Variants in TRIM72 observed in about 807,000 individuals in gnomAD.
TRIM72 encodes tripartite motif containing 72.
TRIM72 carries 33 observed loss-of-function variants against 31.6 expected under a neutral mutation model. The observed-to-expected ratio is 1.04, with a 90% CI of 0.79 to 1.40. The LOEUF is 1.40. TRIM72 is among the 40% of genes most tolerant of loss of function. The pLI is 0.00. For missense variants in TRIM72, 666 were observed against 682.7 expected, an observed-to-expected ratio of 0.98 and a Z score of 0.27; for synonymous variants, 301 against 314.4, an observed-to-expected ratio of 0.96 and a Z score of 0.45.
Position 31,219,227 on chromosome 16 carries a change from G to A in TRIM72, c.486+37G>A, listed in dbSNP as rs1355552066. Reference sequence around the variant, plus strand: ...ACAGGGCCATGTCTGAGGGCTGGGGGCCAGGCTAGGGGTCTCCAGCCAAGA... The same window carrying A: ...ACAGGGCCATGTCTGAGGGCTGGGGACCAGGCTAGGGGTCTCCAGCCAAGA... On this transcript the variant is annotated intron_variant, in intron 3 of 6. Transcript: ENST00000322122. The surrounding 1 kb of genome is among the most constrained non-coding windows in gnomAD (Gnocchi z 4.2). 1.2e-6 allele frequency: 2 copies of A among 1,613,550 alleles called. No homozygotes were observed. Among genetic ancestry groups the A allele is most frequent in the East Asian group, 4.5e-5 (2 of 44,898 alleles).
Position 31,220,882 on chromosome 16 carries a change from T to C in TRIM72, c.718-14T>C. ...CATCGGCTTCACCACCATTCTCTTT[T>C]TCTCTCTCTCCAGAAATACTGCCTG... On this transcript the variant is annotated splice_polypyrimidine_tract_variant and intron_variant, in intron 4 of 6. Coordinates refer to ENST00000322122, the MANE Select transcript of TRIM72 (RefSeq NM_001008274.4). 1 of 1,614,178 alleles carries C rather than the reference T, an allele frequency of 6.2e-7. No homozygotes were observed. The highest frequency in any genetic ancestry group is 8.5e-7 in the Non-Finnish European group (1 of 1,180,026).
At position 31,216,684 on chromosome 16, in the gene TRIM72, C is replaced by G; in HGVS notation, c.390+1556C>G. 6.6e-7 allele frequency: 1 copy of G among 1,513,018 alleles called. No homozygotes were observed. The highest frequency in any genetic ancestry group is 8.9e-7 in the Non-Finnish European group (1 of 1,118,500). The allele number at this position is 1,513,018 out of a possible 1,614,324, so 93.7% of individuals were successfully genotyped here. On this transcript the variant is annotated intron_variant, in intron 2 of 6. Transcript: ENST00000322122. This position sits in a 1 kb window ranked among gnomAD's most constrained non-coding sequence, Gnocchi z 6.7. ...AGGAGGGGAACAGGAAGGCTCTGGG[C>G]GGGACCTGACGCGTGGGTCCTTGGC...
At position 31,219,767 on chromosome 16, in the gene TRIM72, AT is replaced by A. The variant is rs1340136356; in HGVS notation, c.717+254del. Among the ~76,000 whole-genome samples, 3 of 152,014 alleles carry A rather than the reference AT, an allele frequency of 2.0e-5. No homozygotes were observed. Among genetic ancestry groups the A allele is most frequent in the African/African-American group, 7.2e-5 (3 of 41,388 alleles). ...TATTTATTAGGACACTCTTATTTTT[AT>A]TTTTTATTTTTTGAGATGGAGTCTT... On this transcript the variant is annotated intron_variant, in intron 4 of 6. Coordinates refer to ENST00000322122, the MANE Select transcript of TRIM72 (RefSeq NM_001008274.4). The surrounding 1 kb of genome is among the most constrained non-coding windows in gnomAD (Gnocchi z 4.2).
chr16:31,223,262 A>G (rs1487986102), intron 6 of TRIM72, among the ~76,000 whole-genome samples: 1 of 151,992 alleles, frequency 6.6e-6, no homozygotes, highest in Non-Finnish European at 1.5e-5. Context: ...GACGGTGGAG[A>G]TGATAAATCC....
In TRIM72 at chr16:31,224,678, T is replaced by C; in HGVS notation, c.1357T>C (p.Phe453Leu). 6.5e-7 allele frequency: 1 copy of C among 1,550,232 alleles called. No individual in the cohort carries two copies. The highest frequency in any genetic ancestry group is 8.7e-7 in the Non-Finnish European group (1 of 1,155,622). ...ERLPRPVYPF[F>L]DVCWHDKGKN... The stretch of plus-strand genomic sequence containing the variant: ...CCTGCCCAGGCCCGTGTACCCCTTC[T>C]TCGACGTGTGCTGGCACGACAAGGG... The change falls in exon 7 of 7, where the codon TTC (phenylalanine) becomes CTC (leucine). Residue 453 changes from phenylalanine (F) to leucine (L), a missense_variant. Physicochemically the swap from Phe to Leu is conservative, Grantham distance 22. Coordinates refer to ENST00000322122, the MANE Select transcript of TRIM72 (RefSeq NM_001008274.4).
chr16:31,224,142 C>T (rs368260037), intron 6 of TRIM72, 39 bp from the exon 7 acceptor site: 29 of 1,588,802 alleles, frequency 1.8e-5, no homozygotes, highest in Non-Finnish European at 2.4e-5. Flanking sequence ...CCCAGCGAGG[C>T]AGAAACCTAG....
chr16:31,219,383 C>A lies in TRIM72; in HGVS notation c.581C>A (p.Ala194Glu). 1 of 1,614,136 alleles carries A rather than the reference C, an allele frequency of 6.2e-7. No homozygotes were observed. Among genetic ancestry groups the A allele is most frequent in the Non-Finnish European group, 8.5e-7 (1 of 1,180,024 alleles). Reference sequence around the variant, plus strand: ...CTGGAGGGCTCCTTGGACCGCGAGGCAGAGCGTGTACGGGGTGAGGCAGGG... The same window carrying A: ...CTGGAGGGCTCCTTGGACCGCGAGGAAGAGCGTGTACGGGGTGAGGCAGGG... ...AALEGSLDREAERVRGEAGVA... is the reference protein window; with the variant it reads ...AALEGSLDREEERVRGEAGVA... Residue 194 changes from alanine to glutamate, a missense_variant, in exon 4 of 7, where the codon GCA becomes GAA. Ala to Glu is a moderately radical substitution (Grantham distance 107). Transcript: ENST00000322122. The surrounding 1 kb of genome is among the most constrained non-coding windows in gnomAD (Gnocchi z 4.2).
At position 31,229,758 on chromosome 16, in the gene TRIM72, T is replaced by C. The variant is rs1190852025; in HGVS notation, c.*5003T>C. 3 of 152,190 alleles carry C rather than the reference T, an allele frequency of 2.0e-5. No individual in the cohort carries two copies. The highest frequency in any genetic ancestry group is 7.2e-5 in the African/African-American group (3 of 41,444). The allele number at this position is 152,190 out of a possible 1,614,324, so 9.4% of individuals were successfully genotyped here. The stretch of plus-strand genomic sequence containing the variant: ...TCTTTAGGTAGCATAATAGCAAACT[T>C]GAACCTGCCAAGGCCATGATAAAAC... On this transcript the variant is annotated 3_prime_UTR_variant, in exon 7 of 7. Transcript: ENST00000322122.
At position 31,224,857 on chromosome 16, in the gene TRIM72, C is replaced by A; in HGVS notation, c.*102C>A. 1 of 1,233,144 alleles carries A rather than the reference C, an allele frequency of 8.1e-7. No homozygotes were observed. The highest frequency in any genetic ancestry group is 1.1e-6 in the Non-Finnish European group (1 of 933,658). 76.4% of individuals were successfully genotyped at this position (1,233,144 alleles called of 1,614,324 possible). On this transcript the variant is annotated 3_prime_UTR_variant, in exon 7 of 7. Coordinates refer to ENST00000322122, the MANE Select transcript of TRIM72 (RefSeq NM_001008274.4). ...AGGGTGGGGAGCGGGTTGCCAGGGC[C>A]CAGGGGGCTGGGAACTGGGGGATCT...
intron 2 of TRIM72, among the ~76,000 whole-genome samples, chr16:31,218,590 G>A (rs571927887): frequency 6.6e-6 from 1 of 152,164 alleles, no homozygotes; most frequent in Admixed American, 6.5e-5. Context: ...GCTGAGGCAG[G>A]AGAATCGCTT....
In TRIM72 at chr16:31,215,511, CG is replaced by C. The variant is rs2079504172; in HGVS notation, c.390+384del. On this transcript the variant is annotated intron_variant, in intron 2 of 6. Coordinates refer to ENST00000322122, the MANE Select transcript of TRIM72 (RefSeq NM_001008274.4). This position sits in a 1 kb window ranked among gnomAD's most constrained non-coding sequence, Gnocchi z 6.3. Reference sequence around the variant, plus strand: ...GCTCGCATTCCTGCACCCGGTGGGCCGTTCGGGCTGGCTCCCTGCTCGGCGC... The same window carrying C: ...GCTCGCATTCCTGCACCCGGTGGGCCTTCGGGCTGGCTCCCTGCTCGGCGC... 6.6e-6 allele frequency among the ~76,000 whole-genome samples: 1 copy of C among 152,142 alleles called. No homozygotes were observed. The highest frequency in any genetic ancestry group is 2.4e-5 in the African/African-American group (1 of 41,444).
intron 2 of TRIM72, chr16:31,217,052 C>CTCCGAGG (rs1354521467): frequency 6.3e-7 from 1 of 1,599,924 alleles, no homozygotes; most frequent in Non-Finnish European, 8.5e-7. Flanking sequence ...GCCTCTGAGC[C>CTCCGAGG]TCCGAGGGCC....
chr16:31,215,249 C>A lies in TRIM72; in HGVS notation c.390+121C>A. On this transcript the variant is annotated intron_variant, in intron 2 of 6. Coordinates refer to ENST00000322122, the MANE Select transcript of TRIM72 (RefSeq NM_001008274.4). This position sits in a 1 kb window ranked among gnomAD's most constrained non-coding sequence, Gnocchi z 6.3. ...AGAGGCTCACGAGCTCCTGGAGTTGCGGGGGGCGGGGGCGGGGCGAAGCAG... is the reference window on the plus strand; with the variant it reads ...AGAGGCTCACGAGCTCCTGGAGTTGAGGGGGGCGGGGGCGGGGCGAAGCAG... 1 of 247,452 alleles carries A rather than the reference C, an allele frequency of 4.0e-6. No homozygotes were observed. The highest frequency in any genetic ancestry group is 6.9e-6 in the Non-Finnish European group (1 of 145,614). 15.3% of individuals were successfully genotyped at this position (247,452 alleles called of 1,614,324 possible).
At position 31,228,631 on chromosome 16, in the gene TRIM72, G is replaced by C. The variant is rs1335877020; in HGVS notation, c.*3876G>C. 6.6e-6 allele frequency: 1 copy of C among 151,698 alleles called. No individual in the cohort carries two copies. The highest frequency in any genetic ancestry group is 1.5e-5 in the Non-Finnish European group (1 of 68,676). The allele number at this position is 151,698 out of a possible 1,614,324, so 9.4% of individuals were successfully genotyped here. ...CTGTCGCCCAGGCTGGAGTGCAATGGTGCTATCTCAGCTCACTGCAACCTC... is the reference window on the plus strand; with the variant it reads ...CTGTCGCCCAGGCTGGAGTGCAATGCTGCTATCTCAGCTCACTGCAACCTC... On this transcript the variant is annotated 3_prime_UTR_variant, in exon 7 of 7. Coordinates refer to ENST00000322122, the MANE Select transcript of TRIM72 (RefSeq NM_001008274.4).
At chr16:31,220,328 C>T (rs759466188) in intron 4 of TRIM72, among the ~76,000 whole-genome samples, 12 of 151,982 alleles carry the variant, frequency 7.9e-5, no homozygotes, top group Non-Finnish European at 1.5e-4. Context: ...CATGAGTCAC[C>T]GCACCCGGCC....
chr16:31,231,033 G>GA lies in TRIM72; in HGVS notation c.*6278_*6279insA, dbSNP rs2079568284. On this transcript the variant is annotated 3_prime_UTR_variant, in exon 7 of 7. Coordinates refer to ENST00000322122, the MANE Select transcript of TRIM72 (RefSeq NM_001008274.4). The stretch of plus-strand genomic sequence containing the variant: ...TAGGTTGCCTCTTTTGTTTTGTTTT[G>GA]TTTTTTTTTTGAGATGGAGTCTCAC... The GA allele has an allele frequency of 6.8e-6, 1 of 147,382 alleles. No homozygotes were observed. Among genetic ancestry groups the GA allele is most frequent in the Non-Finnish European group, 1.5e-5 (1 of 66,556 alleles). The allele number at this position is 147,382 out of a possible 1,614,324, so 9.1% of individuals were successfully genotyped here.
rs1433140198 is a variant in TRIM72 at position 31,219,498 on chromosome 16, G to A, written c.696G>A (p.Lys232=). 1 of 1,611,620 alleles carries A rather than the reference G, an allele frequency of 6.2e-7. No homozygotes were observed. Among genetic ancestry groups the A allele is most frequent in the Non-Finnish European group, 8.5e-7 (1 of 1,179,226 alleles). The change falls in exon 4 of 7, where the codon AAG becomes AAA. Residue 232 remains lysine, a synonymous_variant. Coordinates refer to ENST00000322122, the MANE Select transcript of TRIM72 (RefSeq NM_001008274.4). This position sits in a 1 kb window ranked among gnomAD's most constrained non-coding sequence, Gnocchi z 4.2. ...AGGTCCTGGAGGAGGTGGCGGACAA[G>A]CCGCAGACTGAGTTCCTCATGGTGA... The part of the protein sequence containing the change: ...MEKVLEEVAD[K]PQTEFLMKYC...
At chr16:31,214,325 G>A (rs2079496437) in intron 1 of TRIM72, 28 bp downstream of exon 1, 2 of 170,160 alleles carry the variant, frequency 1.2e-5, no homozygotes, top group Admixed American at 6.4e-5. Flanking sequence ...GAGAGAGGGG[G>A]AGGGGAGGTC....
In TRIM72 at chr16:31,218,108, G is replaced by T. The variant is rs191550274; in HGVS notation, c.391-987G>T. ...CTTCATGTACCCCCTGAGGTCTGTT[G>T]TGTGCCAAGCTCTGTGCCTGCCTGT... is the stretch of plus-strand genomic sequence containing the variant. On this transcript the variant is annotated intron_variant, in intron 2 of 6. Transcript: ENST00000322122. Among the ~76,000 whole-genome samples the T allele has an allele frequency of 8.5e-5, 13 of 152,266 alleles. No individual in the cohort carries two copies. In the East Asian group the frequency reaches 2.3e-3, roughly 27 times the overall value.
Sources: allele counts gnomAD v4.1 joint callset (sites outside exome capture counted in the v4.1 genomes callset), GRCh38; gene constraint gnomAD v4.1.1; non-coding constraint Gnocchi (gnomAD v3.1); transcripts MANE v1.5; gene names NCBI Gene and HGNC (gene_info 2026-07-23, HGNC 2026-07-21).